The following INPP4A variants were observed in gnomAD, a reference collection of about 807,000 sequenced individuals.
The protein encoded by INPP4A is inositol polyphosphate-4-phosphatase, type I, 107kD.
A neutral mutation model predicts 119.8 loss-of-function variants in INPP4A; 33 were observed. That is an observed-to-expected ratio of 0.28 (90% CI 0.21 to 0.37). The LOEUF (loss-of-function observed/expected upper bound fraction) is 0.37. INPP4A is among the 10% of genes least tolerant of loss of function. INPP4A has a pLI of 1.00. For synonymous variants in INPP4A, 496 were observed against 500.7 expected, an observed-to-expected ratio of 0.99 and a Z score of 0.12; for missense variants, 956 against 1,289.9, an observed-to-expected ratio of 0.74 and a Z score of 3.97.
At chr2:98,473,545 G>A (rs1028186549) in intron 1 of INPP4A, among the ~76,000 whole-genome samples, 5 of 152,230 alleles carry the variant, frequency 3.3e-5, no homozygotes, top group East Asian at 1.9e-4. Context: ...GGCTGACACC[G>A]TGTGGTGGGC....
At chr2:98,474,833 G>A (rs553932026) in intron 1 of INPP4A, among the ~76,000 whole-genome samples, 1 of 152,226 alleles carries the variant, frequency 6.6e-6, no homozygotes, top group South Asian at 2.1e-4. Context: ...CCCATCTGGG[G>A]CCCTGGGGGA....
intron 1 of INPP4A, among the ~76,000 whole-genome samples, chr2:98,484,456 G>A (rs894755965): frequency 2.6e-5 from 4 of 152,144 alleles, no homozygotes; most frequent in African/African-American, 9.7e-5. Flanking sequence ...ATGCAGTCAC[G>A]TGACTGGGGT....
chr2:98,503,720 G>C (rs909728467), intron 1 of INPP4A, among the ~76,000 whole-genome samples: 4 of 152,180 alleles, frequency 2.6e-5, no homozygotes, highest in African/African-American at 9.7e-5. Flanking sequence ...GACTCCTTTG[G>C]ACACTCTCAT....
intron 1 of INPP4A, among the ~76,000 whole-genome samples, chr2:98,448,911 C>G (rs1458969548): frequency 1.3e-5 from 2 of 152,084 alleles, no homozygotes; most frequent in Non-Finnish European, 2.9e-5. Flanking sequence ...CACTGTGTTG[C>G]CCAGGCTGGT....
At chr2:98,583,344 C>T (rs1699600239) in intron 24 of INPP4A, among the ~76,000 whole-genome samples, 1 of 151,964 alleles carries the variant, frequency 6.6e-6, no homozygotes, top group South Asian at 2.1e-4. Context: ...AAAGTGATCC[C>T]TGACTTGTGG....
chr2:98,584,541 C>T (rs553970654), intron 24 of INPP4A, among the ~76,000 whole-genome samples: 2 of 152,394 alleles, frequency 1.3e-5, no homozygotes, highest in Admixed American at 1.3e-4. Context: ...GGAGCCCCTC[C>T]CAGGGGGCCT....
chr2:98,547,352 G>A (rs370628706), intron 13 of INPP4A, among the ~76,000 whole-genome samples: 165 of 152,300 alleles, frequency 1.1e-3, no homozygotes, highest in African/African-American at 3.8e-3. Flanking sequence ...AAGTCAGCAA[G>A]CACCATTTGG....
At chr2:98,463,884 C>G (rs1674153280) in intron 1 of INPP4A, among the ~76,000 whole-genome samples, 1 of 152,300 alleles carries the variant, frequency 6.6e-6, no homozygotes, top group Non-Finnish European at 1.5e-5. Context: ...CCTCCAGTCT[C>G]TGCTCGCTCC....
At chr2:98,484,976 C>T (rs1270908300) in intron 1 of INPP4A, among the ~76,000 whole-genome samples, 1 of 152,078 alleles carries the variant, frequency 6.6e-6, no homozygotes, top group African/African-American at 2.4e-5. Context: ...TGAGATCCCA[C>T]CGAGAGTAGT....
At chr2:98,526,989 A>ACC (rs200650790) in intron 4 of INPP4A, among the ~76,000 whole-genome samples, 1,581 of 152,236 alleles carry the variant, frequency 0.01, 44 homozygotes, top group African/African-American at 0.036. Flanking sequence ...TTATCCAAAT[A>ACC]CCTTCCACCA....
At chr2:98,500,972 C>G (rs1326058628) in intron 1 of INPP4A, among the ~76,000 whole-genome samples, 8 of 152,182 alleles carry the variant, frequency 5.3e-5, no homozygotes, top group Non-Finnish European at 4.4e-5. Context: ...TACTTAAATA[C>G]TTAGCTAGTT....
chr2:98,493,631 A>T (rs1056706095), intron 1 of INPP4A, among the ~76,000 whole-genome samples: 4 of 151,966 alleles, frequency 2.6e-5, no homozygotes, highest in African/African-American at 9.7e-5. Context: ...TTATGAGCTC[A>T]AGCAGTCTGC....
At chr2:98,448,849 T>C (rs1694734903) in intron 1 of INPP4A, among the ~76,000 whole-genome samples, 1 of 152,116 alleles carries the variant, frequency 6.6e-6, no homozygotes, top group African/African-American at 2.4e-5. Context: ...ACTATAGGTG[T>C]GTGCCATTGC....
intron 23 of INPP4A, among the ~76,000 whole-genome samples, 189 bp downstream of exon 23, chr2:98,573,116 T>C (rs538188988): frequency 6.6e-6 from 1 of 152,218 alleles, no homozygotes; most frequent in Non-Finnish European, 1.5e-5. Flanking sequence ...CCTTTGGGGC[T>C]GCCTGAATTC....
intron 4 of INPP4A, among the ~76,000 whole-genome samples, chr2:98,523,375 G>A (rs896457576): frequency 6.6e-6 from 1 of 151,302 alleles, no homozygotes; most frequent in Non-Finnish European, 1.5e-5. Flanking sequence ...AGTTTTTTTT[G>A]TTTTGTTTTT....
chr2:98,568,878 A>G, intron 22 of INPP4A: 2 of 529,998 alleles, frequency 3.8e-6, no homozygotes, highest in Non-Finnish European at 6.8e-6. Flanking sequence ...TCGATTCTCT[A>G]CTAGCCTATG....
intron 18 of INPP4A, 74 bp from the exon 19 acceptor site, chr2:98,564,566 G>A: frequency 2.5e-6 from 4 of 1,578,028 alleles, no homozygotes; most frequent in Non-Finnish European, 2.6e-6. Context: ...GGCGGTGGGG[G>A]GCTGGGCATG....
At chr2:98,560,741 C>T (rs1296071348) in intron 17 of INPP4A, among the ~76,000 whole-genome samples, 1 of 152,262 alleles carries the variant, frequency 6.6e-6, no homozygotes, top group Admixed American at 6.5e-5. Context: ...GCCTGAGCCT[C>T]AGTGGTGCCC....
At chr2:98,474,317 A>AT (rs1452102835) in intron 1 of INPP4A, among the ~76,000 whole-genome samples, 8 of 152,068 alleles carry the variant, frequency 5.3e-5, no homozygotes, top group African/African-American at 1.9e-4. Flanking sequence ...CCAAGAGTGG[A>AT]TTTTGTTTTT....
Sources: gnomAD v4.1 joint callset for allele counts (sites outside exome capture counted in the v4.1 genomes callset) on GRCh38, gnomAD v4.1.1 for gene constraint, MANE v1.5 for transcripts, NCBI Gene and HGNC (gene_info 2026-07-23, HGNC 2026-07-21) for gene names.